TRIM2: variants seen among roughly 807,000 people sequenced by gnomAD.
TRIM2 encodes the protein tripartite motif-containing protein 2.
A neutral mutation model predicts 75.2 loss-of-function variants in TRIM2; 20 were observed. The ratio of observed to expected loss-of-function variants is 0.27; its 90% CI spans 0.19 to 0.39. TRIM2 has a LOEUF of 0.39. Ranked by LOEUF, TRIM2 falls within the 10% of genes least tolerant of loss-of-function variation. TRIM2 has a pLI of 1.00. For missense variants in TRIM2, 660 were observed against 990.8 expected (o/e 0.67, Z 4.48); for synonymous variants, 373 against 388.3 (o/e 0.96, Z 0.46).
At chr4:153,316,857 G>A (rs149063526) in intron 8 of TRIM2, among the ~76,000 whole-genome samples, 37 of 138,532 alleles carry the variant, frequency 2.7e-4, no homozygotes, top group Non-Finnish European at 4.7e-4. Context: ...CTTTGTAAGG[G>A]CCATTTGCAT....
intron 10 of TRIM2, among the ~76,000 whole-genome samples, chr4:153,327,115 T>C (rs960375110): frequency 5.3e-5 from 8 of 152,184 alleles, no homozygotes; most frequent in Admixed American, 5.2e-4. Context: ...TACAATGTGT[T>C]ATGTAAAAGG....
intron 1 of TRIM2, chr4:153,222,266 C>T (rs1173284229): frequency 2.6e-5 from 4 of 152,046 alleles, no homozygotes; most frequent in Admixed American, 2.0e-4. Context: ...TTATAATGAA[C>T]TGTCATGATG....
chr4:153,318,323 T>C (rs2149538553), intron 8 of TRIM2, among the ~76,000 whole-genome samples: 1 of 152,348 alleles, frequency 6.6e-6, no homozygotes, highest in Non-Finnish European at 1.5e-5. Context: ...GTTACGTAAT[T>C]GTGAAACTCT....
chr4:153,197,414 C>T (rs1733888229), intron 1 of TRIM2, among the ~76,000 whole-genome samples: 1 of 152,156 alleles, frequency 6.6e-6, no homozygotes, highest in African/African-American at 2.4e-5. Context: ...TGTCTAGCTC[C>T]CCTCTTTATC....
chr4:153,297,796 G>A (rs1170557442), intron 6 of TRIM2, among the ~76,000 whole-genome samples: 1 of 152,172 alleles, frequency 6.6e-6, no homozygotes, highest in Non-Finnish European at 1.5e-5. Context: ...TTTTTGAACA[G>A]TGTTTTCTCC....
intron 3 of TRIM2, among the ~76,000 whole-genome samples, chr4:153,288,992 G>A (rs1190593555): frequency 1.3e-5 from 2 of 151,978 alleles, no homozygotes; most frequent in African/African-American, 4.8e-5. Context: ...TGTTCTCATA[G>A]TTTTTTATAT....
chr4:153,286,540 T>C (rs1276262462), intron 3 of TRIM2, among the ~76,000 whole-genome samples: 1 of 152,224 alleles, frequency 6.6e-6, no homozygotes, highest in African/African-American at 2.4e-5. Context: ...TATTTCTTCA[T>C]GTCAGTTTTG....
chr4:153,296,070 C>A, intron 6 of TRIM2, 34 bp downstream of exon 6: 5 of 1,511,146 alleles, frequency 3.3e-6, no homozygotes, highest in Non-Finnish European at 3.5e-6. Flanking sequence ...GACGCCTGAG[C>A]TGGCACTGGT....
intron 6 of TRIM2, chr4:153,308,066 C>T: frequency 2.5e-6 from 2 of 801,956 alleles, no homozygotes; most frequent in Non-Finnish European, 4.5e-6. Flanking sequence ...GACTGTAGCT[C>T]TTGTACCTAT....
intron 1 of TRIM2, among the ~76,000 whole-genome samples, chr4:153,260,428 C>A (rs556963516): frequency 1.5e-4 from 23 of 151,946 alleles, no homozygotes; most frequent in Non-Finnish European, 2.6e-4. Context: ...GAGGCAATGG[C>A]CTTCTTTATA....
intron 1 of TRIM2, among the ~76,000 whole-genome samples, chr4:153,251,313 A>T (rs1335306449): frequency 6.6e-6 from 1 of 152,208 alleles, no homozygotes; most frequent in Non-Finnish European, 1.5e-5. Flanking sequence ...CAAACTGACT[A>T]CAGAGAGTCT....
At chr4:153,195,522 AAAAAAG>A (rs1215006069) in intron 1 of TRIM2, among the ~76,000 whole-genome samples, 1 of 152,148 alleles carries the variant, frequency 6.6e-6, no homozygotes, top group East Asian at 1.9e-4. Flanking sequence ...TCTCAAAAGA[AAAAAAG>A]AAAAAGAAAG....
Position 153,335,463 on chromosome 4 carries a change from C to T in TRIM2, c.*497C>T. 7.1e-6 allele frequency: 7 copies of T among 985,362 alleles called. No individual in the cohort carries two copies. Among genetic ancestry groups the T allele is most frequent in the South Asian group, 4.7e-5 (1 of 21,284 alleles). 61.0% of individuals were successfully genotyped at this position (985,362 alleles called of 1,614,324 possible). A position where few individuals can be genotyped will look rare whatever the true frequency, so the allele number is the denominator to read the frequency against. ...ACTCTTGTGACATTTTTTTGGTTAT[C>T]AACAACTAAATATAAATTACTTTGG... On this transcript the variant is annotated 3_prime_UTR_variant, in exon 12 of 12. Transcript: ENST00000338700.
At position 153,334,845 on chromosome 4, in the gene TRIM2, A is replaced by G. The variant is rs1318455897; in HGVS notation, c.2195A>G (p.Tyr732Cys). 1.2e-6 allele frequency: 2 copies of G among 1,613,464 alleles called. No individual in the cohort carries two copies. ...VFDGSGSFLSYINTSADPLYG... is the reference protein window; with the variant it reads ...VFDGSGSFLSCINTSADPLYG... ...GATGGGAGTGGATCATTTTTGTCCT[A>G]CATTAACACATCTGCTGACCCACTC... Residue 732 changes from tyrosine to cysteine, a missense_variant, in exon 12 of 12, where the codon TAC becomes TGC. Coordinates refer to ENST00000338700, the MANE Select transcript of TRIM2 (RefSeq NM_015271.5).
At chr4:153,251,676 C>A (rs1201039723) in intron 1 of TRIM2, among the ~76,000 whole-genome samples, 1 of 152,100 alleles carries the variant, frequency 6.6e-6, no homozygotes, top group Non-Finnish European at 1.5e-5. Flanking sequence ...ATTCTCTCTT[C>A]TAGCTATTTT....
chr4:153,206,983 C>T (rs558174497), intron 1 of TRIM2, among the ~76,000 whole-genome samples: 4 of 152,098 alleles, frequency 2.6e-5, no homozygotes, highest in Non-Finnish European at 5.9e-5. Flanking sequence ...TGGGCTCAAG[C>T]GATCCTCCAG....
chr4:153,230,561 C>G (rs1743352984), intron 1 of TRIM2, among the ~76,000 whole-genome samples: 2 of 152,216 alleles, frequency 1.3e-5, no homozygotes. Context: ...TCAGGCATAA[C>G]ATATTACCTT....
intron 1 of TRIM2, among the ~76,000 whole-genome samples, chr4:153,230,586 C>T (rs1743361319): frequency 6.6e-6 from 1 of 152,188 alleles, no homozygotes; most frequent in African/African-American, 2.4e-5. Context: ...ATTTATTGTA[C>T]CACAGCTGGA....
In TRIM2 at chr4:153,335,686, A is replaced by G; in HGVS notation, c.*720A>G. 7.1e-6 allele frequency: 7 copies of G among 985,502 alleles called. No individual in the cohort carries two copies. Among genetic ancestry groups the G allele is most frequent in the Non-Finnish European group, 8.4e-6 (7 of 829,936 alleles). The allele number at this position is 985,502 out of a possible 1,614,324, so 61.0% of individuals were successfully genotyped here. On this transcript the variant is annotated 3_prime_UTR_variant, in exon 12 of 12. Transcript: ENST00000338700. ...TTCTTCAGGGAAACCTGAAATTTCTAATGCCTTGAAAAGCATATTACAAAA... is the reference window on the plus strand; with the variant it reads ...TTCTTCAGGGAAACCTGAAATTTCTGATGCCTTGAAAAGCATATTACAAAA...
Sources: allele counts gnomAD v4.1 joint callset (sites outside exome capture counted in the v4.1 genomes callset), GRCh38; gene constraint gnomAD v4.1.1; transcripts MANE v1.5; gene names NCBI Gene and HGNC (gene_info 2026-07-23, HGNC 2026-07-21).